The following ZNF236 variants were observed in gnomAD, a reference collection of about 807,000 sequenced individuals.
ZNF236 encodes the protein zinc finger protein 236.
A neutral mutation model predicts 191.2 loss-of-function variants in ZNF236; 50 were observed. The observed-to-expected ratio is 0.26, with a 90% confidence interval of 0.21 to 0.33. ZNF236 has a LOEUF of 0.33. Among genes scored for constraint, ZNF236 ranks in the 10% least tolerant of loss-of-function variants. ZNF236 has a pLI of 1.00. For missense variants in ZNF236, 1,754 were observed against 2,374.5 expected (o/e 0.74, Z 5.43); for synonymous variants, 907 against 928.8 (o/e 0.98, Z 0.43).
At chr18:76,908,208 A>T in intron 13 of ZNF236, 112 bp from the exon 14 acceptor site, 3 of 1,365,902 alleles carry the variant, frequency 2.2e-6, no homozygotes, top group Non-Finnish European at 3.0e-6. Flanking sequence ...TCAAAATGAA[A>T]TCATTAATAA....
chr18:76,829,994 C>T (rs1377838829), intron 1 of ZNF236, among the ~76,000 whole-genome samples: 1 of 152,204 alleles, frequency 6.6e-6, no homozygotes, highest in Non-Finnish European at 1.5e-5. Flanking sequence ...CCTCAGCCAC[C>T]TGAGTAGCTG....
rs1285781829 is a variant in ZNF236, at chr18:76,959,869, G to A, written c.5242+53G>A. On this transcript the variant is annotated intron_variant, in intron 29 of 30. Transcript: ENST00000320610. ...CCTTACTCTTTGAAGTAGACATCAT[G>A]GGTGAGAAAACATAATTCCACCTGT... 12 of 1,576,570 alleles carry A rather than the reference G, an allele frequency of 7.6e-6. No homozygotes were observed. In the African/African-American group the frequency reaches 1.1e-4, roughly 14 times the overall value.
intron 1 of ZNF236, among the ~76,000 whole-genome samples, chr18:76,837,598 G>A (rs980801934): frequency 6.6e-6 from 1 of 151,568 alleles, no homozygotes; most frequent in Non-Finnish European, 1.5e-5. Flanking sequence ...GTGCCACCAC[G>A]CCTGGCTAAT....
chr18:76,908,548 A>G lies in ZNF236; in HGVS notation c.2526A>G (p.Ala842=). 1 of 1,610,624 alleles carries G rather than the reference A, an allele frequency of 6.2e-7. No homozygotes were observed. The highest frequency in any genetic ancestry group is 8.5e-7 in the Non-Finnish European group (1 of 1,178,386). ...TEEAGLGQQL[A]DQPLEADEDG... is the part of the protein sequence containing the mutation. Reference sequence around the variant, plus strand: ...AAGCAGGGCTGGGCCAGCAGTTGGCAGATCAGCCCCTGGAAGCAGATGAAG... The same window carrying G: ...AAGCAGGGCTGGGCCAGCAGTTGGCGGATCAGCCCCTGGAAGCAGATGAAG... The change falls in exon 14 of 31, where the codon GCA becomes GCG. Residue 842 remains alanine (A), a synonymous_variant. Transcript: ENST00000320610.
chr18:76,859,783 C>T (rs1976161166), intron 3 of ZNF236, among the ~76,000 whole-genome samples: 1 of 152,158 alleles, frequency 6.6e-6, no homozygotes, highest in Non-Finnish European at 1.5e-5. Context: ...TGCAGTGCCT[C>T]AGTTCATGGG....
intron 1 of ZNF236, among the ~76,000 whole-genome samples, chr18:76,847,045 G>A (rs1246372654): frequency 6.6e-6 from 1 of 152,072 alleles, no homozygotes; most frequent in Non-Finnish European, 1.5e-5. Flanking sequence ...CACCCACCCT[G>A]GGCTCCCAGA....
At chr18:76,879,237 A>G (rs1976803329) in intron 7 of ZNF236, among the ~76,000 whole-genome samples, 1 of 152,216 alleles carries the variant, frequency 6.6e-6, no homozygotes, top group Non-Finnish European at 1.5e-5. Context: ...AAATGTAATT[A>G]TAGGGATTTA....
At chr18:76,921,328 A>G (rs903129995) in intron 20 of ZNF236, among the ~76,000 whole-genome samples, 1 of 152,232 alleles carries the variant, frequency 6.6e-6, no homozygotes, top group African/African-American at 2.4e-5. Context: ...TCGTTGAGCC[A>G]TGCAGTGAAG....
chr18:76,928,678 C>T (rs1012198720), intron 25 of ZNF236, among the ~76,000 whole-genome samples: 6 of 152,128 alleles, frequency 3.9e-5, no homozygotes, highest in East Asian at 1.9e-4. Context: ...CTATGCTGCT[C>T]GCATTCTGAC....
intron 9 of ZNF236, among the ~76,000 whole-genome samples, chr18:76,891,215 T>A (rs1000147061): frequency 1.3e-5 from 2 of 152,172 alleles, no homozygotes; most frequent in African/African-American, 4.8e-5. Context: ...CTAATTTGTT[T>A]GCCTTTTTGA....
intron 1 of ZNF236, among the ~76,000 whole-genome samples, chr18:76,842,184 T>A (rs1975526626): frequency 1.3e-5 from 2 of 151,904 alleles, no homozygotes; most frequent in Non-Finnish European, 2.9e-5. Context: ...AGGGCATTGA[T>A]AATATGACTG....
rs774412640 is a variant in ZNF236, at chr18:76,849,648, G to A, written c.178G>A (p.Asp60Asn). The change falls in exon 2 of 31, where the codon GAT (aspartate) becomes AAT (asparagine). Residue 60 changes from aspartate to asparagine, a missense_variant. Asp to Asn is a conservative substitution (Grantham distance 23). Around this residue, in one of 5 missense-constraint regions of ZNF236, gnomAD observed 336 missense variants for 495.1 expected, o/e 0.68. Coordinates refer to ENST00000320610, the MANE Select transcript of ZNF236 (RefSeq NM_001306089.2). ...KESQFQRHMR[D>N]HERNDKPHRC... ...ATCCCAGTTTCAACGCCACATGAGG[G>A]ATCACGAGCGAAATGACAAGGTATG... 3 of 1,587,860 alleles carry A rather than the reference G, an allele frequency of 1.9e-6. No homozygotes were observed. The highest frequency in any genetic ancestry group is 2.6e-6 in the Non-Finnish European group (3 of 1,170,794).
intron 3 of ZNF236, 50 bp downstream of exon 3, chr18:76,851,989 A>G: frequency 1.3e-6 from 2 of 1,529,050 alleles, no homozygotes; most frequent in Non-Finnish European, 1.8e-6. Flanking sequence ...GTTAAAATAC[A>G]TCTGATCATG....
intron 27 of ZNF236, among the ~76,000 whole-genome samples, chr18:76,951,978 GC>G (rs1968420313): frequency 6.6e-6 from 1 of 152,222 alleles, no homozygotes; most frequent in Non-Finnish European, 1.5e-5. Flanking sequence ...GGTTAAGTTT[GC>G]CATTTTATGT....
chr18:76,924,160 C>G (rs967908657), intron 21 of ZNF236, among the ~76,000 whole-genome samples: 3 of 152,166 alleles, frequency 2.0e-5, no homozygotes, highest in African/African-American at 7.2e-5. Flanking sequence ...TTTCATTAGG[C>G]TCCCTGTATT....
rs779237538 is a variant in ZNF236, at chr18:76,965,815, G to C, written c.5420-2400G>C. On this transcript the variant is annotated intron_variant, in intron 30 of 30. Transcript: ENST00000320610. The stretch of plus-strand genomic sequence containing the variant: ...AGGGGGGTGAAATGGACTCTGTGAA[G>C]GTTCTTAGCTTTGGTGGTTTAATGC... Among the ~76,000 whole-genome samples, 3 of 152,200 alleles carry C rather than the reference G, an allele frequency of 2.0e-5. No homozygotes were observed. The South Asian group carries it at 6.2e-4, about 31-fold the overall frequency.
At chr18:76,933,512 C>A (rs1346351933) in intron 25 of ZNF236, among the ~76,000 whole-genome samples, 1 of 151,078 alleles carries the variant, frequency 6.6e-6, no homozygotes, top group East Asian at 1.9e-4. Context: ...CTCTCTCTCT[C>A]ACTCTCTCTC....
intron 21 of ZNF236, among the ~76,000 whole-genome samples, chr18:76,924,619 G>A (rs760905368): frequency 4.6e-5 from 7 of 152,170 alleles, no homozygotes; most frequent in African/African-American, 9.7e-5. Flanking sequence ...CCGAGCCTTC[G>A]TGGCCTTTGA....
chr18:76,838,281 A>G (rs532818168), intron 1 of ZNF236, among the ~76,000 whole-genome samples: 35 of 152,254 alleles, frequency 2.3e-4, no homozygotes, highest in Non-Finnish European at 3.1e-4. Flanking sequence ...CATGACTAAG[A>G]CAAAGGGCCT....
Sources: allele counts gnomAD v4.1 joint callset (sites outside exome capture counted in the v4.1 genomes callset), GRCh38; gene constraint gnomAD v4.1.1; regional missense constraint gnomAD v4.1.1; transcripts MANE v1.5; gene names NCBI Gene and HGNC (gene_info 2026-07-23, HGNC 2026-07-21).